DYSF: variants seen among roughly 807,000 people sequenced by gnomAD.
DYSF encodes dysferlin.
Under a neutral mutation model 274.9 loss-of-function variants are expected in DYSF, and 212 were observed. The ratio of observed to expected loss-of-function variants is 0.77; its 90% CI spans 0.69 to 0.86. DYSF has a LOEUF of 0.86. Ranked by LOEUF, DYSF falls within the 40% of genes least tolerant of loss-of-function variation. The pLI is 0.00. For missense variants in DYSF, 2,666 were observed against 2,783.2 expected (o/e 0.96, Z 0.95); for synonymous variants, 1,091 against 1,078.7 (o/e 1.01, Z -0.22).
At chr2:71,539,106 G>T (rs1231309514) in intron 16 of DYSF, 51 bp from the exon 17 acceptor site, 1 of 1,540,510 alleles carries the variant, frequency 6.5e-7, no homozygotes, top group Admixed American at 1.7e-5. Context: ...GGTGGGCTGT[G>T]GCCTGCAGTT....
At chr2:71,679,730 A>G (rs960568338) in intron 53 of DYSF, among the ~76,000 whole-genome samples, 1 of 152,160 alleles carries the variant, frequency 6.6e-6, no homozygotes, top group African/African-American at 2.4e-5. Context: ...TTACTTAGAA[A>G]TTTCAGGCAG....
chr2:71,544,482 G>A (rs1257281046), intron 17 of DYSF, among the ~76,000 whole-genome samples: 1 of 124,112 alleles, frequency 8.1e-6, no homozygotes, highest in African/African-American at 3.1e-5. Context: ...TTTTTGAGAT[G>A]GAGTCTTGCT....
intron 3 of DYSF, among the ~76,000 whole-genome samples, chr2:71,489,479 C>T: frequency 6.6e-6 from 1 of 152,240 alleles, no homozygotes; most frequent in Non-Finnish European, 1.5e-5. Context: ...GTATCTTCTT[C>T]CTGACATAGG....
intron 1 of DYSF, among the ~76,000 whole-genome samples, chr2:71,468,101 T>G (rs2081669894): frequency 6.6e-6 from 1 of 152,270 alleles, no homozygotes; most frequent in African/African-American, 2.4e-5. Context: ...TTTTCATTGA[T>G]TGGTGACATG....
At chr2:71,633,790 T>G (rs879395032) in intron 41 of DYSF, among the ~76,000 whole-genome samples, 4 of 152,114 alleles carry the variant, frequency 2.6e-5, no homozygotes, top group Non-Finnish European at 5.9e-5. Context: ...GACCAGAAAT[T>G]TTTCTCTTTG....
chr2:71,676,577 A>G (rs1291251022), intron 52 of DYSF, among the ~76,000 whole-genome samples: 2 of 152,026 alleles, frequency 1.3e-5, no homozygotes, highest in African/African-American at 4.8e-5. Flanking sequence ...AATTTATGGC[A>G]TCAATCTTTC....
rs555711336 is a variant in DYSF, at chr2:71,454,098, C to G, written c.88+12C>G. ...CGCGGTGTTTGCAGGTAGGAGGGGC[C>G]GACCACCCTCGCCCGGGGTCGGGGT... On this transcript the variant is annotated intron_variant, in intron 1 of 54. Transcript: ENST00000258104. 1.4e-5 allele frequency: 22 copies of G among 1,612,220 alleles called. No individual in the cohort carries two copies. Among genetic ancestry groups the G allele is most frequent in the Non-Finnish European group, 1.9e-5 (22 of 1,179,196 alleles).
Position 71,611,577 on chromosome 2 carries a change from A to G in DYSF, c.4172A>G (p.Asn1391Ser). 6.2e-7 allele frequency: 1 copy of G among 1,613,762 alleles called. No homozygotes were observed. Among genetic ancestry groups the G allele is most frequent in the Admixed American group, 1.7e-5 (1 of 60,002 alleles). ...ACGGTGCAGTCCTGTGTCATCAGGA[A>G]CCTCCGGAAGAACCCCAACTTTGAC... ...GQTVQSCVIR[N>S]LRKNPNFDIC... Residue 1391 changes from asparagine (N) to serine (S), a missense_variant, in exon 38 of 56, where the codon AAC becomes AGC. Transcript: ENST00000410020.
At chr2:71,510,208 T>G (rs1407490064) in intron 4 of DYSF, among the ~76,000 whole-genome samples, 1 of 152,226 alleles carries the variant, frequency 6.6e-6, no homozygotes, top group Non-Finnish European at 1.5e-5. Context: ...AGAGCCCAAC[T>G]TACCTTTTGC....
rs1574058921 is a variant in DYSF, at chr2:71,570,257, A to C, written c.3008A>C (p.Asp1003Ala). The change falls in exon 28 of 56, where the codon GAC becomes GCC. Residue 1003 changes from aspartate to alanine, a missense_variant. Physicochemically the swap from Asp to Ala is moderately radical, Grantham distance 126. This residue lies in a region of DYSF where 1,460 missense variants were observed against 1,502.1 expected (regional missense o/e 0.97). Transcript: ENST00000410020. Reference protein sequence around the residue: ...VNGEKVLPKDDIECPLGWKWE... With the variant: ...VNGEKVLPKDAIECPLGWKWE... ...GGGGAGAAGGTGCTTCCCAAGGATGACATTGAGTGCCCACTGGGCTGGAAG... is the reference window on the plus strand; with the variant it reads ...GGGGAGAAGGTGCTTCCCAAGGATGCCATTGAGTGCCCACTGGGCTGGAAG... The C allele has an allele frequency of 6.2e-7, 1 of 1,614,128 alleles. No individual in the cohort carries two copies. The highest frequency in any genetic ancestry group is 1.1e-5 in the South Asian group (1 of 91,068).
chr2:71,682,874 G>A (rs894374281), intron 55 of DYSF, among the ~76,000 whole-genome samples, 197 bp downstream of exon 55: 3 of 152,200 alleles, frequency 2.0e-5, no homozygotes, highest in African/African-American at 7.2e-5. Context: ...TACCCTTGGA[G>A]GCTCTTAGTC....
chr2:71,454,155 C>A, intron 1 of DYSF: 2 of 1,429,864 alleles, frequency 1.4e-6, no homozygotes, highest in Non-Finnish European at 1.9e-6. Context: ...CGGCTCTCAA[C>A]CCTGGAGAGC....
chr2:71,511,506 T>C lies in DYSF; in HGVS notation c.346-301T>C, dbSNP rs531945831. Among the ~76,000 whole-genome samples, 10 of 152,322 alleles carry C rather than the reference T, an allele frequency of 6.6e-5. No homozygotes were observed. In the East Asian group the frequency reaches 1.7e-3, roughly 26 times the overall value. ...CTCCACATTTGACCTGTGAGGAAGG[T>C]GCTATTGCTATGACTAACCCCAATT... On this transcript the variant is annotated intron_variant, in intron 4 of 55. Coordinates refer to ENST00000410020, the MANE Select transcript of DYSF (RefSeq NM_001130987.2).
chr2:71,455,322 A>G (rs1372287173), intron 1 of DYSF, among the ~76,000 whole-genome samples: 1 of 152,232 alleles, frequency 6.6e-6, no homozygotes, highest in Non-Finnish European at 1.5e-5. Flanking sequence ...GGACCAGAGC[A>G]GAGCTTGAGG....
At chr2:71,667,612 T>A in intron 48 of DYSF, 97 bp downstream of exon 48, 2 of 1,547,106 alleles carry the variant, frequency 1.3e-6, no homozygotes, top group Non-Finnish European at 1.8e-6. Context: ...GTGGGTCCCT[T>A]GAGATTTGGT....
At chr2:71,464,322 C>T (rs140568800), upstream of DYSF, among the ~76,000 whole-genome samples, 206 of 152,352 alleles carry the variant, frequency 1.4e-3, no homozygotes, top group African/African-American at 4.8e-3. Context: ...AGACAAAAAC[C>T]CCTGGCTCCT....
At chr2:71,457,326 T>C (rs1174808457) in intron 1 of DYSF, among the ~76,000 whole-genome samples, 2 of 152,208 alleles carry the variant, frequency 1.3e-5, no homozygotes, top group African/African-American at 4.8e-5. Context: ...AACTGAGGCA[T>C]GAAGAGGTTA....
intron 15 of DYSF, 48 bp downstream of exon 15, chr2:71,535,137 G>A: frequency 6.2e-7 from 1 of 1,610,664 alleles, no homozygotes; most frequent in Non-Finnish European, 8.5e-7. Context: ...TGGGGCTCTG[G>A]GCTTCGGGAG....
At chr2:71,589,761 C>A in intron 31 of DYSF, 75 bp downstream of exon 31, 1 of 1,390,274 alleles carries the variant, frequency 7.2e-7, no homozygotes. Flanking sequence ...TGGAGTTATA[C>A]GATCAGATGT....
Sources: allele counts gnomAD v4.1 joint callset (sites outside exome capture counted in the v4.1 genomes callset), GRCh38; gene constraint gnomAD v4.1.1; regional missense constraint gnomAD v4.1.1; transcripts MANE v1.5; gene names NCBI Gene and HGNC (gene_info 2026-07-23, HGNC 2026-07-21).